The following GCC1 variants were observed in gnomAD, a reference collection of about 807,000 sequenced individuals.
GCC1 encodes GRIP and coiled-coil domain containing 1.
GCC1 carries 36 observed loss-of-function variants against 62.5 expected under a neutral mutation model. That is an observed-to-expected ratio of 0.58 (90% CI 0.44 to 0.76). GCC1 has a LOEUF of 0.76. Among genes scored for constraint, GCC1 ranks in the 30% least tolerant of loss-of-function variants. GCC1 has a pLI of 0.00. For synonymous variants in GCC1, 391 were observed against 386.8 expected (o/e 1.01, Z -0.13); for missense variants, 885 against 948.3 (o/e 0.93, Z 0.88).
In GCC1 at chr7:127,582,305, G is replaced by C. The variant is rs781374297; in HGVS notation, c.2037C>G (p.Val679=). The part of the protein sequence containing the change: ...SLRKQKHRLE[V]EVHQLQDRLL... ...GCCGATCCTGCAGCTGATGCACCTC[G>C]ACCTCCAGCCTGTGCTTCTGCTTCC... Residue 679 remains valine, a synonymous_variant, in exon 2 of 2, where the codon GTC becomes GTG. Coordinates refer to ENST00000321407, the MANE Select transcript of GCC1 (RefSeq NM_024523.6). This position sits in a 1 kb window ranked among gnomAD's most constrained non-coding sequence, Gnocchi z 4.8. 8.1e-6 allele frequency: 13 copies of C among 1,614,172 alleles called. No individual in the cohort carries two copies. Among genetic ancestry groups the C allele is most frequent in the Non-Finnish European group, 1.0e-5 (12 of 1,180,030 alleles).
Position 127,582,620 on chromosome 7 carries a change from G to C in GCC1, c.1722C>G (p.Phe574Leu), listed in dbSNP as rs1794151165. 1 of 1,613,022 alleles carries C rather than the reference G, an allele frequency of 6.2e-7. No homozygotes were observed. Among genetic ancestry groups the C allele is most frequent in the Non-Finnish European group, 8.5e-7 (1 of 1,179,964 alleles). The change falls in exon 2 of 2, where the codon TTC becomes TTG. Residue 574 changes from phenylalanine (F) to leucine (L), a missense_variant. Transcript: ENST00000321407. This position sits in a 1 kb window ranked among gnomAD's most constrained non-coding sequence, Gnocchi z 4.8. ...RQELERCQLDFRDRTLKLEEE... is the reference protein window; with the variant it reads ...RQELERCQLDLRDRTLKLEEE... Reference sequence around the variant, plus strand: ...CCTCCAGTTTCAGTGTGCGGTCCCTGAAGTCCAGCTGGCACCGCTCCAGCT... The same window carrying C: ...CCTCCAGTTTCAGTGTGCGGTCCCTCAAGTCCAGCTGGCACCGCTCCAGCT...
Position 127,584,876 on chromosome 7 carries a change from T to G in GCC1, c.307A>C (p.Thr103Pro). ...TTGGTGCTGGTGAGACTGGCCGCAGTATCCAAGCTAGTGGCGGTCCCAGTG... is the reference window on the plus strand; with the variant it reads ...TTGGTGCTGGTGAGACTGGCCGCAGGATCCAAGCTAGTGGCGGTCCCAGTG... ...DSTGTATSLD[T>P]AASLTSTKGE... The change falls in exon 1 of 2, where the codon ACT becomes CCT. Residue 103 changes from threonine to proline, a missense_variant. Coordinates refer to ENST00000321407, the MANE Select transcript of GCC1 (RefSeq NM_024523.6). The G allele has an allele frequency of 6.2e-7, 1 of 1,614,172 alleles. No individual in the cohort carries two copies. The highest frequency in any genetic ancestry group is 8.5e-7 in the Non-Finnish European group (1 of 1,180,034).
chr7:127,584,838 C>G lies in GCC1; in HGVS notation c.345G>C (p.Gly115=), dbSNP rs1794180855. The G allele has an allele frequency of 6.2e-7, 1 of 1,614,052 alleles. No individual in the cohort carries two copies. The highest frequency in any genetic ancestry group is 8.5e-7 in the Non-Finnish European group (1 of 1,180,040). Residue 115 remains glycine (G), a synonymous_variant, in exon 1 of 2, where the codon GGG becomes GGC. Coordinates refer to ENST00000321407, the MANE Select transcript of GCC1 (RefSeq NM_024523.6). ...ASLTSTKGEF[G]VEDDRPARGP... ...CACGGGCCGGTCTGTCATCTTCTAC[C>G]CCAAACTCACCCTTGGTGCTGGTGA...
chr7:127,585,359 G>T lies in GCC1; in HGVS notation c.-177C>A. ...AACGGCCGGACGGACTGGCGAAAGC[G>T]GCCGCCCGGTCCCAGGCCCGGAGGG... is the stretch of plus-strand genomic sequence containing the variant. On this transcript the variant is annotated 5_prime_UTR_variant, in exon 1 of 2. Coordinates refer to ENST00000321407, the MANE Select transcript of GCC1 (RefSeq NM_024523.6). The T allele has an allele frequency of 3.1e-6, 2 of 645,148 alleles. No individual in the cohort carries two copies. Among genetic ancestry groups the T allele is most frequent in the Non-Finnish European group, 5.2e-6 (2 of 386,926 alleles). The allele number at this position is 645,148 out of a possible 1,614,324, so 40.0% of individuals were successfully genotyped here.
In GCC1 at chr7:127,582,551, G is replaced by C. The variant is rs774860737; in HGVS notation, c.1791C>G (p.Thr597=). Residue 597 remains threonine (T), a synonymous_variant, in exon 2 of 2, where the codon ACC becomes ACG. Coordinates refer to ENST00000321407, the MANE Select transcript of GCC1 (RefSeq NM_024523.6). This position sits in a 1 kb window ranked among gnomAD's most constrained non-coding sequence, Gnocchi z 4.8. ...KQRDRALAVL[T]EKDLELEQLR... ...GTTGCTCCAGTTCCAAGTCCTTCTC[G>C]GTGAGCACAGCTAGGGCACGATCCC... is the stretch of plus-strand genomic sequence containing the variant. 77 of 1,611,156 alleles carry C rather than the reference G, an allele frequency of 4.8e-5. No individual in the cohort carries two copies. The highest frequency in any genetic ancestry group is 6.4e-5 in the Non-Finnish European group (76 of 1,180,034).
In GCC1 at chr7:127,583,270, CCTGAGATTG is replaced by C. The variant is rs749703317; in HGVS notation, c.1063_1071del (p.Gln355_Gln357del). On this transcript the variant is annotated inframe_deletion, in exon 2 of 2. Coordinates refer to ENST00000321407, the MANE Select transcript of GCC1 (RefSeq NM_024523.6). ...AGGGCTGCCACCCTCTGTTCTTCTA[CCTGAGATTG>C]CTGACGGAGTTGATCCTCTGCAAGA... is the stretch of plus-strand genomic sequence containing the variant. 1 of 1,608,488 alleles carries C rather than the reference CCTGAGATTG, an allele frequency of 6.2e-7. No homozygotes were observed. The highest frequency in any genetic ancestry group is 1.1e-5 in the South Asian group (1 of 90,984).
At position 127,582,713 on chromosome 7, in the gene GCC1, G is replaced by C; in HGVS notation, c.1629C>G (p.His543Gln). ...AGTCATCAGCCTCCTGCTGGTGTTGGTGCTCCAGCTCCTCGCAGGAGAGCC... is the reference window on the plus strand; with the variant it reads ...AGTCATCAGCCTCCTGCTGGTGTTGCTGCTCCAGCTCCTCGCAGGAGAGCC... ...SLRLSCEELE[H>Q]QHQQEADDWK... The change falls in exon 2 of 2, where the codon CAC (histidine) becomes CAG (glutamine). Residue 543 changes from histidine to glutamine, a missense_variant. By Grantham distance (24) the His-to-Gln change is conservative. Coordinates refer to ENST00000321407, the MANE Select transcript of GCC1 (RefSeq NM_024523.6). The surrounding 1 kb of genome is among the most constrained non-coding windows in gnomAD (Gnocchi z 4.8). 6.2e-7 allele frequency: 1 copy of C among 1,614,054 alleles called. No homozygotes were observed.
At position 127,584,322 on chromosome 7, in the gene GCC1, T is replaced by C. The variant is rs769658058; in HGVS notation, c.861A>G (p.Gly287=). The C allele has an allele frequency of 8.7e-6, 14 of 1,613,770 alleles. No homozygotes were observed. Among genetic ancestry groups the C allele is most frequent in the Admixed American group, 3.3e-5 (2 of 59,940 alleles). The change falls in exon 1 of 2, where the codon GGA becomes GGG. Residue 287 remains glycine, a synonymous_variant. Transcript: ENST00000321407. The part of the protein sequence containing the change: ...GRAYAAEQME[G]FELQTKQLTR... ...TCAGCTGCTTGGTCTGCAGTTCAAA[T>C]CCTTCCATCTGTTCAGCTGCATATG...
Position 127,582,869 on chromosome 7 carries a change from C to A in GCC1, c.1473G>T (p.Glu491Asp). The A allele has an allele frequency of 1.2e-6, 2 of 1,614,216 alleles. No individual in the cohort carries two copies. The highest frequency in any genetic ancestry group is 1.7e-6 in the Non-Finnish European group (2 of 1,180,038). ...GGGCTCTCATCTTGTACCTCTCAAA[C>A]TCTTCCTTCAGCTGTTTCAGCTCCT... ...YQQELKQLKEEFERYKMRAQV... is the reference protein window; with the variant it reads ...YQQELKQLKEDFERYKMRAQV... Residue 491 changes from glutamate to aspartate, a missense_variant, in exon 2 of 2, where the codon GAG (glutamate) becomes GAT (aspartate). Glu to Asp is a conservative substitution (Grantham distance 45). Coordinates refer to ENST00000321407, the MANE Select transcript of GCC1 (RefSeq NM_024523.6). The surrounding 1 kb of genome is among the most constrained non-coding windows in gnomAD (Gnocchi z 4.8).
rs765916895 is a variant in GCC1 at position 127,582,791 on chromosome 7, C to T, written c.1551G>A (p.Leu517=). 9.9e-6 allele frequency: 16 copies of T among 1,614,106 alleles called. No homozygotes were observed. Among genetic ancestry groups the T allele is most frequent in the Non-Finnish European group, 8.5e-7 (1 of 1,180,052 alleles). The change falls in exon 2 of 2, where the codon CTG becomes CTA. Residue 517 remains leucine, a synonymous_variant. Coordinates refer to ENST00000321407, the MANE Select transcript of GCC1 (RefSeq NM_024523.6). This position sits in a 1 kb window ranked among gnomAD's most constrained non-coding sequence, Gnocchi z 4.8. Reference sequence around the variant, plus strand: ...CTGCAAGCTGTTCCTGGGCTGCCTCCAGCTCCTTTCCCAGGTTACCATCTT... The same window carrying T: ...CTGCAAGCTGTTCCTGGGCTGCCTCTAGCTCCTTTCCCAGGTTACCATCTT... ...NTKDGNLGKE[L]EAAQEQLAEL... is the part of the protein sequence containing the mutation.
Position 127,585,274 on chromosome 7 carries a change from C to T in GCC1, c.-92G>A, listed in dbSNP as rs1243905148. 1.6e-6 allele frequency: 2 copies of T among 1,245,402 alleles called. No homozygotes were observed. The highest frequency in any genetic ancestry group is 2.9e-5 in the South Asian group (2 of 68,736). The allele number at this position is 1,245,402 out of a possible 1,614,324, so 77.1% of individuals were successfully genotyped here. On this transcript the variant is annotated 5_prime_UTR_variant, in exon 1 of 2. Transcript: ENST00000321407. The stretch of plus-strand genomic sequence containing the variant: ...GGCGGGGGCTTAAAGAAACAGCGAG[C>T]GGGCTGTCCGGCGGCGGGCCGCACA...
rs1794178251 is a variant in GCC1 at position 127,584,647 on chromosome 7, T to C, written c.536A>G (p.Lys179Arg). The change falls in exon 1 of 2, where the codon AAG (lysine) becomes AGG (arginine). Residue 179 changes from lysine to arginine, a missense_variant. By Grantham distance (26) the Lys-to-Arg change is conservative. Coordinates refer to ENST00000321407, the MANE Select transcript of GCC1 (RefSeq NM_024523.6). Reference protein sequence around the residue: ...TSSLATVTQEKSRMEASYLAD... With the variant: ...TSSLATVTQERSRMEASYLAD... Reference sequence around the variant, plus strand: ...CAAGTAAGAAGCCTCCATGCGGGACTTCTCCTGAGTGACTGTAGCCAAAGA... The same window carrying C: ...CAAGTAAGAAGCCTCCATGCGGGACCTCTCCTGAGTGACTGTAGCCAAAGA... The C allele has an allele frequency of 2.5e-6, 4 of 1,614,186 alleles. No individual in the cohort carries two copies. Among genetic ancestry groups the C allele is most frequent in the Non-Finnish European group, 1.7e-6 (2 of 1,180,036 alleles).
rs778288314 is a variant in GCC1, at chr7:127,583,121, T to C, written c.1221A>G (p.Thr407=). The C allele has an allele frequency of 6.8e-6, 11 of 1,614,024 alleles. No individual in the cohort carries two copies. The highest frequency in any genetic ancestry group is 1.1e-5 in the South Asian group (1 of 91,080). Residue 407 remains threonine, a synonymous_variant, in exon 2 of 2, where the codon ACA becomes ACG. Coordinates refer to ENST00000321407, the MANE Select transcript of GCC1 (RefSeq NM_024523.6). ...RILQLDLENK[T]LALAASSRSP... The stretch of plus-strand genomic sequence containing the variant: ...ACCTGCTGGAGGCTGCTAGAGCCAG[T>C]GTCTTGTTCTCCAGGTCCAGCTGCA...
Position 127,584,481 on chromosome 7 carries a change from A to G in GCC1, c.702T>C (p.His234=). 1 of 1,613,944 alleles carries G rather than the reference A, an allele frequency of 6.2e-7. No homozygotes were observed. The highest frequency in any genetic ancestry group is 2.2e-5 in the East Asian group (1 of 44,870). The change falls in exon 1 of 2, where the codon CAT becomes CAC. Residue 234 remains histidine, a synonymous_variant. Coordinates refer to ENST00000321407, the MANE Select transcript of GCC1 (RefSeq NM_024523.6). ...ETKARLITQQ[H]DRAQEQSDHA... ...GGTCACTCTGCTCTTGGGCCCGATC[A>G]TGCTGCTGCGTGATAAGCCGGGCTT...
rs756864303 is a variant in GCC1, at chr7:127,582,570, C to T, written c.1772G>A (p.Arg591His). ...CTTCTCGGTGAGCACAGCTAGGGCA[C>T]GATCCCGCTGCTTGTGCAGCTCCTC... is the stretch of plus-strand genomic sequence containing the variant. ...LEEELHKQRD[R>H]ALAVLTEKDL... Residue 591 changes from arginine to histidine, a missense_variant, in exon 2 of 2, where the codon CGT (arginine) becomes CAT (histidine). Physicochemically the swap from Arg to His is conservative, Grantham distance 29. Transcript: ENST00000321407. This position sits in a 1 kb window ranked among gnomAD's most constrained non-coding sequence, Gnocchi z 4.8. 1.8e-5 allele frequency: 29 copies of T among 1,611,574 alleles called. No individual in the cohort carries two copies. Among genetic ancestry groups the T allele is most frequent in the South Asian group, 8.8e-5 (8 of 91,082 alleles).
In GCC1 at chr7:127,583,272, T is replaced by C; in HGVS notation, c.1070A>G (p.Gln357Arg). Residue 357 changes from glutamine (Q) to arginine (R), a missense_variant, in exon 2 of 2, where the codon CAG becomes CGG. Physicochemically the swap from Gln to Arg is conservative, Grantham distance 43. Coordinates refer to ENST00000321407, the MANE Select transcript of GCC1 (RefSeq NM_024523.6). ...LAEDQLRQQS[Q>R]VEEQRVAALE... ...GGCTGCCACCCTCTGTTCTTCTACC[T>C]GAGATTGCTGACGGAGTTGATCCTC... 1 of 1,608,012 alleles carries C rather than the reference T, an allele frequency of 6.2e-7. No individual in the cohort carries two copies. The highest frequency in any genetic ancestry group is 8.5e-7 in the Non-Finnish European group (1 of 1,175,964).
Position 127,582,198 on chromosome 7 carries a change from C to T in GCC1, c.2144G>A (p.Arg715Lys), listed in dbSNP as rs753989772. Reference sequence around the variant, plus strand: ...GAGGTACTCCAGATTGGCTCCCTCCCTGCTCTGGTCCCTGATGTTCTTTTC... The same window carrying T: ...GAGGTACTCCAGATTGGCTCCCTCCTTGCTCTGGTCCCTGATGTTCTTTTC... ...HIEKNIRDQS[R>K]EGANLEYLKN... Residue 715 changes from arginine to lysine, a missense_variant, in exon 2 of 2, where the codon AGG becomes AAG. Physicochemically the swap from Arg to Lys is conservative, Grantham distance 26. Coordinates refer to ENST00000321407, the MANE Select transcript of GCC1 (RefSeq NM_024523.6). The surrounding 1 kb of genome is among the most constrained non-coding windows in gnomAD (Gnocchi z 4.8). 23 of 1,614,178 alleles carry T rather than the reference C, an allele frequency of 1.4e-5. No homozygotes were observed. In the South Asian group the frequency reaches 1.8e-4, roughly 12 times the overall value.
chr7:127,582,490 G>A lies in GCC1; in HGVS notation c.1852C>T (p.Arg618Cys), dbSNP rs34883586. The change falls in exon 2 of 2, where the codon CGC becomes TGC. Residue 618 changes from arginine (R) to cysteine (C), a missense_variant. Arg to Cys is a radical substitution (Grantham distance 180). Coordinates refer to ENST00000321407, the MANE Select transcript of GCC1 (RefSeq NM_024523.6). This position sits in a 1 kb window ranked among gnomAD's most constrained non-coding sequence, Gnocchi z 4.8. ...CCGCCACCACCCACAGGACTTCTGC[G>A]TCCTGGCAGCCCAGAGGCCAAGGCC... is the stretch of plus-strand genomic sequence containing the variant. Reference protein sequence around the residue: ...SVALASGLPGRRSPVGGGGPG... With the variant: ...SVALASGLPGCRSPVGGGGPG... The A allele has an allele frequency of 6.3e-4, 1,013 of 1,613,622 alleles. 12 individuals carry two copies. In the African/African-American group the frequency reaches 0.011, roughly 18 times the overall value.
In GCC1 at chr7:127,582,395, A is replaced by G. The variant is rs750930546; in HGVS notation, c.1947T>C (p.Asn649=). The G allele has an allele frequency of 1.2e-6, 2 of 1,614,210 alleles. No homozygotes were observed. The highest frequency in any genetic ancestry group is 1.7e-6 in the Non-Finnish European group (2 of 1,180,032). Reference sequence around the variant, plus strand: ...CAGCGTACAGAAAGAAAGTGGGCTCATTGGCCGCTGCAAGTTGTAATGCTT... The same window carrying G: ...CAGCGTACAGAAAGAAAGTGGGCTCGTTGGCCGCTGCAAGTTGTAATGCTT... ...LTQALQLAAA[N]EPTFFLYAEQ... The change falls in exon 2 of 2, where the codon AAT becomes AAC. Residue 649 remains asparagine, a synonymous_variant. Transcript: ENST00000321407. This position sits in a 1 kb window ranked among gnomAD's most constrained non-coding sequence, Gnocchi z 4.8.
Sources: allele counts gnomAD v4.1 joint callset, GRCh38; gene constraint gnomAD v4.1.1; non-coding constraint Gnocchi (gnomAD v3.1); transcripts MANE v1.5; gene names NCBI Gene and HGNC (gene_info 2026-07-23, HGNC 2026-07-21).